MSRA: variants seen among roughly 807,000 people sequenced by gnomAD.
MSRA encodes the protein methionine sulfoxide reductase A, also known as mitochondrial peptide methionine sulfoxide reductase.
MSRA carries 54 observed loss-of-function variants against 31.3 expected under a neutral mutation model. The ratio of observed to expected loss-of-function variants is 1.73; its 90% CI spans 1.39 to 2.17. MSRA has a LOEUF of 2.17. Among genes scored for constraint, MSRA ranks in the 30% most tolerant of loss-of-function variants. MSRA has a pLI of 0.00. For missense variants in MSRA, 507 were observed against 300.9 expected (o/e 1.69, Z -5.07); for synonymous variants, 169 against 116.5 (o/e 1.45, Z -2.90).
intron 1 of MSRA, among the ~76,000 whole-genome samples, chr8:10,147,938 A>G (rs1803302888): frequency 6.6e-6 from 1 of 152,160 alleles, no homozygotes; most frequent in Admixed American, 6.5e-5. Context: ...CGGGAAAACG[A>G]CTTTAGAGGG....
chr8:10,260,494 A>G (rs2952194), intron 3 of MSRA, among the ~76,000 whole-genome samples: 24,420 of 152,218 alleles, frequency 0.16, 2,060 homozygotes, highest in Middle Eastern at 0.26. Context: ...CAGAGTTGAC[A>G]GGCACAGATG....
At chr8:10,254,523 G>T (rs6988744) in intron 3 of MSRA, among the ~76,000 whole-genome samples, 84,400 of 152,040 alleles carry the variant, frequency 0.56, 24,365 homozygotes, top group Non-Finnish European at 0.64. Context: ...GTAGTTTCTT[G>T]CCATGACCAC....
chr8:10,096,693 T>C (rs923144911), intron 1 of MSRA, among the ~76,000 whole-genome samples: 4 of 152,216 alleles, frequency 2.6e-5, no homozygotes, highest in African/African-American at 4.8e-5. Context: ...TACTTAGATA[T>C]ATACTTTATA....
chr8:10,056,843 G>GTTCTTAT (rs1329776554), intron 1 of MSRA, among the ~76,000 whole-genome samples: 1 of 152,092 alleles, frequency 6.6e-6, no homozygotes, highest in African/African-American at 2.4e-5. Flanking sequence ...ATCCATGTCT[G>GTTCTTAT]TTCTTATTTG....
chr8:10,373,282 C>T (rs1805578320), intron 5 of MSRA, among the ~76,000 whole-genome samples: 1 of 152,244 alleles, frequency 6.6e-6, no homozygotes, highest in African/African-American at 2.4e-5. Flanking sequence ...TCCAAATAGT[C>T]AACCAAGGAC....
intron 2 of MSRA, among the ~76,000 whole-genome samples, chr8:10,208,960 C>G (rs1809249596): frequency 6.6e-6 from 1 of 152,182 alleles, no homozygotes; most frequent in African/African-American, 2.4e-5. Context: ...TTCCCTTATT[C>G]CCAGAGATGG....
At chr8:10,290,411 C>G (rs542146552) in intron 3 of MSRA, among the ~76,000 whole-genome samples, 1 of 152,102 alleles carries the variant, frequency 6.6e-6, no homozygotes, top group South Asian at 2.1e-4. Flanking sequence ...GATGACCTTT[C>G]AGGTCCCTTA....
At chr8:10,210,518 T>C (rs1227856685) in intron 2 of MSRA, among the ~76,000 whole-genome samples, 2 of 152,198 alleles carry the variant, frequency 1.3e-5, no homozygotes, top group African/African-American at 4.8e-5. Context: ...AAGTAGCCTT[T>C]GCTGGGAGAA....
At chr8:10,425,805 T>C (rs2129198244) in intron 5 of MSRA, among the ~76,000 whole-genome samples, 1 of 152,366 alleles carries the variant, frequency 6.6e-6, no homozygotes, top group South Asian at 2.1e-4. Flanking sequence ...CCACTGGCGT[T>C]GTGAACCCGG....
At chr8:10,069,760 C>T (rs1014099939) in intron 1 of MSRA, among the ~76,000 whole-genome samples, 1 of 152,210 alleles carries the variant, frequency 6.6e-6, no homozygotes, top group South Asian at 2.1e-4. Flanking sequence ...AATTCAATTT[C>T]AACACCTGAA....
chr8:10,156,042 A>C (rs1424763942), intron 1 of MSRA, among the ~76,000 whole-genome samples: 1 of 152,202 alleles, frequency 6.6e-6, no homozygotes, highest in Middle Eastern at 3.4e-3. Flanking sequence ...GGGAGTCCTG[A>C]TGTGATGCGG....
chr8:10,297,790 T>C (rs1800623117), intron 3 of MSRA, among the ~76,000 whole-genome samples: 2 of 152,174 alleles, frequency 1.3e-5, no homozygotes, highest in Admixed American at 1.3e-4. Flanking sequence ...ACAAATAACG[T>C]CAGTGGCAGA....
chr8:10,267,127 C>T (rs558079566), intron 3 of MSRA, among the ~76,000 whole-genome samples: 4 of 152,316 alleles, frequency 2.6e-5, no homozygotes, highest in Admixed American at 6.5e-5. Flanking sequence ...ACCTTGTCAA[C>T]AGCAGTGATT....
chr8:10,398,401 T>C (rs1346717030), intron 5 of MSRA, among the ~76,000 whole-genome samples: 3 of 152,228 alleles, frequency 2.0e-5, no homozygotes, highest in Non-Finnish European at 4.4e-5. Flanking sequence ...GAGAGAGACC[T>C]TCTCTGAGGC....
chr8:10,141,200 C>T (rs1320889093), intron 1 of MSRA, among the ~76,000 whole-genome samples: 1 of 152,230 alleles, frequency 6.6e-6, no homozygotes, highest in Non-Finnish European at 1.5e-5. Flanking sequence ...GGACGTTATA[C>T]TGAGTGCTTA....
chr8:10,223,131 A>T (rs1248108722), intron 2 of MSRA, among the ~76,000 whole-genome samples: 2 of 152,226 alleles, frequency 1.3e-5, no homozygotes. Flanking sequence ...CAAAACACAG[A>T]TACACGTCCT....
At chr8:10,331,061 G>C (rs1802667212) in intron 5 of MSRA, among the ~76,000 whole-genome samples, 1 of 152,192 alleles carries the variant, frequency 6.6e-6, no homozygotes, top group South Asian at 2.1e-4. Flanking sequence ...GCTGCACACA[G>C]AAGTCATGTG....
chr8:10,245,444 C>T (rs1174762030), intron 3 of MSRA, among the ~76,000 whole-genome samples: 1 of 152,180 alleles, frequency 6.6e-6, no homozygotes, highest in Non-Finnish European at 1.5e-5. Flanking sequence ...GTGGAACAAC[C>T]ACTCTAAAAC....
chr8:10,373,840 G>T (rs972822091), intron 5 of MSRA, among the ~76,000 whole-genome samples: 3 of 152,224 alleles, frequency 2.0e-5, no homozygotes, highest in East Asian at 3.9e-4. Flanking sequence ...CCCCTGGAGG[G>T]CTCTGAGCAG....
Sources: gnomAD v4.1 joint callset for allele counts (sites outside exome capture counted in the v4.1 genomes callset) on GRCh38, gnomAD v4.1.1 for gene constraint, MANE v1.5 for transcripts, NCBI Gene and HGNC (gene_info 2026-07-23, HGNC 2026-07-21) for gene names.